The following PIP5K1C variants were observed in gnomAD, a reference collection of about 807,000 sequenced individuals.
The protein encoded by PIP5K1C is phosphatidylinositol 4-phosphate 5-kinase type-1 gamma.
A neutral mutation model predicts 80.1 loss-of-function variants in PIP5K1C; 45 were observed. The observed-to-expected ratio is 0.56, with a 90% CI of 0.44 to 0.72. The LOEUF is 0.72. Among genes scored for constraint, PIP5K1C ranks in the 30% least tolerant of loss-of-function variants. PIP5K1C has a pLI of 0.00. For synonymous variants in PIP5K1C, 498 were observed against 420.1 expected (o/e 1.19, Z -2.27); for missense variants, 753 against 954.6 (o/e 0.79, Z 2.78).
intron 16 of PIP5K1C, 90 bp from the exon 17 acceptor site, chr19:3,633,610 G>A (rs574673649): frequency 9.2e-6 from 8 of 868,358 alleles, no homozygotes; most frequent in African/African-American, 1.7e-5. Flanking sequence ...AGAGACAGGA[G>A]AACATAAAAG....
At chr19:3,642,433 CGTCA>C (rs2034002541) in intron 14 of PIP5K1C, among the ~76,000 whole-genome samples, 1 of 152,176 alleles carries the variant, frequency 6.6e-6, no homozygotes, top group South Asian at 2.1e-4. Flanking sequence ...CTGAGATCCC[CGTCA>C]GTCGAGTGAC....
chr19:3,646,244 G>C (rs1452061529), intron 10 of PIP5K1C, among the ~76,000 whole-genome samples, 186 bp from the exon 11 acceptor site: 2 of 152,166 alleles, frequency 1.3e-5, no homozygotes, highest in Non-Finnish European at 2.9e-5. Context: ...CTCCCTCTGG[G>C]GAGGGAGACT....
Position 3,642,929 on chromosome 19 carries a change from G to C in PIP5K1C, c.1660C>G (p.Gln554Glu). ...CACCTGCCATCCTGTCCAGACGACT[G>C]TGTGCGCCGCCTGCAGAGATACAGC... Reference protein sequence around the residue: ...SEQPRYRRRTQSSGQDGRPQE... With the variant: ...SEQPRYRRRTESSGQDGRPQE... The change falls in exon 14 of 18, where the codon CAG becomes GAG. Residue 554 changes from glutamine (Q) to glutamate (E), a missense_variant. Physicochemically the swap from Gln to Glu is conservative, Grantham distance 29. Transcript: ENST00000335312. 2 of 1,613,572 alleles carry C rather than the reference G, an allele frequency of 1.2e-6. No individual in the cohort carries two copies. Among genetic ancestry groups the C allele is most frequent in the Non-Finnish European group, 1.7e-6 (2 of 1,179,844 alleles).
Position 3,637,576 on chromosome 19 carries a change from T to C in PIP5K1C, c.1920+1308A>G. ...CAGCGTCACGGCCCGCAGTCGGCGA[T>C]GGCGGGGAGAGTAAATCCAGTACCT... is the stretch of plus-strand genomic sequence containing the variant. On this transcript the variant is annotated intron_variant, in intron 16 of 17. Coordinates refer to ENST00000335312, the MANE Select transcript of PIP5K1C (RefSeq NM_012398.3). The surrounding 1 kb of genome is among the most constrained non-coding windows in gnomAD (Gnocchi z 7.0). The C allele has an allele frequency of 8.0e-7, 1 of 1,254,322 alleles. No homozygotes were observed. Among genetic ancestry groups the C allele is most frequent in the Non-Finnish European group, 1.0e-6 (1 of 977,884 alleles). The allele number at this position is 1,254,322 out of a possible 1,614,324, so 77.7% of individuals were successfully genotyped here. A position where few individuals can be genotyped will look rare whatever the true frequency, so the allele number is the denominator to read the frequency against.
chr19:3,645,169 G>C (rs1380957384), intron 11 of PIP5K1C, among the ~76,000 whole-genome samples: 1 of 152,204 alleles, frequency 6.6e-6, no homozygotes, highest in Non-Finnish European at 1.5e-5. Context: ...GCCTGTCCCT[G>C]CCACCTCCCT....
At chr19:3,673,717 T>A (rs2035278343) in intron 1 of PIP5K1C, 1 of 152,190 alleles carries the variant, frequency 6.6e-6, no homozygotes, top group African/African-American at 2.4e-5. Context: ...GAACAACCCA[T>A]CCTCTGGCCT....
chr19:3,696,701 T>G lies in PIP5K1C; in HGVS notation c.94+3596A>C, dbSNP rs2036112786. On this transcript the variant is annotated intron_variant, in intron 1 of 17. Transcript: ENST00000335312. The surrounding 1 kb of genome is among the most constrained non-coding windows in gnomAD (Gnocchi z 4.1). ...AGGGGCCCATGGGCCTACAGCAGAG[T>G]GCAGACGGGAGGGCAGGGAGGGCAG... is the stretch of plus-strand genomic sequence containing the variant. Among the ~76,000 whole-genome samples the G allele has an allele frequency of 1.0e-5, 1 of 97,620 alleles. No homozygotes were observed. The highest frequency in any genetic ancestry group is 1.9e-5 in the Non-Finnish European group (1 of 53,958). The allele number at this position is 97,620 out of a possible 152,430, so 64.0% of individuals were successfully genotyped here.
In PIP5K1C at chr19:3,688,526, C is replaced by T. The variant is rs75760304; in HGVS notation, c.94+11771G>A. On this transcript the variant is annotated intron_variant, in intron 1 of 17. Transcript: ENST00000335312. This position sits in a 1 kb window ranked among gnomAD's most constrained non-coding sequence, Gnocchi z 5.3. The stretch of plus-strand genomic sequence containing the variant: ...GGCCACCCTCGCCCCCTGGTTTCAA[C>T]TCCTGCTGTGAGCACCTGGCCTTTC... 0.073 allele frequency among the ~76,000 whole-genome samples: 11,154 copies of T among 152,198 alleles called. 492 individuals are homozygous for T. Among genetic ancestry groups the T allele is most frequent in the Non-Finnish European group, 0.097 (6,586 of 67,980 alleles).
At position 3,695,301 on chromosome 19, in the gene PIP5K1C, G is replaced by A. The variant is rs556839072; in HGVS notation, c.94+4996C>T. Among the ~76,000 whole-genome samples, 100 of 152,308 alleles carry A rather than the reference G, an allele frequency of 6.6e-4. 1 individual carries two copies. In the South Asian group the frequency reaches 0.016, roughly 24 times the overall value. On this transcript the variant is annotated intron_variant, in intron 1 of 17. Transcript: ENST00000335312. ...CGGACCCCAGCGCCCAGGTGAGCTCGCTTGGCACCTGGGCCCCGGAAGCAG... is the reference window on the plus strand; with the variant it reads ...CGGACCCCAGCGCCCAGGTGAGCTCACTTGGCACCTGGGCCCCGGAAGCAG...
At chr19:3,664,613 G>A (rs2034947470) in intron 3 of PIP5K1C, among the ~76,000 whole-genome samples, 1 of 152,244 alleles carries the variant, frequency 6.6e-6, no homozygotes, top group Non-Finnish European at 1.5e-5. Context: ...CACAGAACAT[G>A]CTGCCCGGCC....
chr19:3,660,524 A>G (rs762679748), intron 5 of PIP5K1C, among the ~76,000 whole-genome samples: 5 of 152,144 alleles, frequency 3.3e-5, no homozygotes, highest in Non-Finnish European at 5.9e-5. Context: ...GCTAACCTGA[A>G]ACAATAAAGC....
chr19:3,679,329 T>C (rs2035515567), intron 1 of PIP5K1C, among the ~76,000 whole-genome samples: 1 of 152,166 alleles, frequency 6.6e-6, no homozygotes, highest in Admixed American at 6.5e-5. Flanking sequence ...TGTTCCTGCC[T>C]CAGGGGCCTT....
At chr19:3,660,207 C>T (rs765353829) in intron 5 of PIP5K1C, among the ~76,000 whole-genome samples, 2 of 152,068 alleles carry the variant, frequency 1.3e-5, no homozygotes, top group Non-Finnish European at 1.5e-5. Flanking sequence ...GGTGAAACCC[C>T]GTCTCTACTA....
chr19:3,683,903 G>T (rs1180925751), intron 1 of PIP5K1C, among the ~76,000 whole-genome samples: 1 of 91,172 alleles, frequency 1.1e-5, no homozygotes, highest in East Asian at 3.0e-4. Context: ...TGGAGCCCCT[G>T]CTTCCCCTCC....
intron 1 of PIP5K1C, among the ~76,000 whole-genome samples, chr19:3,686,730 ATAAAT>A (rs2035772686): frequency 1.3e-5 from 2 of 150,490 alleles, no homozygotes; most frequent in Admixed American, 1.4e-4. Flanking sequence ...AAATAAATAA[ATAAAT>A]AAAATAAAAT....
At chr19:3,689,889 T>G (rs1457654068) in intron 1 of PIP5K1C, among the ~76,000 whole-genome samples, 1 of 152,168 alleles carries the variant, frequency 6.6e-6, no homozygotes, top group Non-Finnish European at 1.5e-5. Flanking sequence ...CGTTAGCAGC[T>G]GGTGGATCTC....
chr19:3,667,429 C>A, intron 1 of PIP5K1C, 76 bp from the exon 2 acceptor site: 1 of 1,540,976 alleles, frequency 6.5e-7, no homozygotes, highest in Non-Finnish European at 9.0e-7. Flanking sequence ...CCCCGGCCCA[C>A]CTTCTGGCGC....
chr19:3,636,915 G>A, intron 16 of PIP5K1C: 2 of 1,006,004 alleles, frequency 2.0e-6, no homozygotes, highest in Non-Finnish European at 2.4e-6. Context: ...TCACAGCTAC[G>A]TGGGGCCCAT....
At chr19:3,698,863 G>C (rs796105509) in intron 1 of PIP5K1C, among the ~76,000 whole-genome samples, 13 of 152,136 alleles carry the variant, frequency 8.5e-5, no homozygotes, top group African/African-American at 2.9e-4. Context: ...TGGCCAGCTG[G>C]GGTCAGATTT....
Sources: allele counts gnomAD v4.1 joint callset (sites outside exome capture counted in the v4.1 genomes callset), GRCh38; gene constraint gnomAD v4.1.1; non-coding constraint Gnocchi (gnomAD v3.1); transcripts MANE v1.5; gene names NCBI Gene and HGNC (gene_info 2026-07-23, HGNC 2026-07-21).